The following LRBA variants were observed in gnomAD, a reference collection of about 807,000 sequenced individuals.
LRBA encodes lipopolysaccharide-responsive and beige-like anchor protein.
LRBA carries 176 observed loss-of-function variants against 330.0 expected under a neutral mutation model. That is an observed-to-expected ratio of 0.53 (90% CI 0.47 to 0.60). LRBA has a LOEUF of 0.60. LRBA is among the 20% of genes least tolerant of loss of function. The probability of loss-of-function intolerance (pLI) is 0.00; values close to 1 mark genes in which losing one functional copy is unlikely to be tolerated. For missense variants in LRBA, 3,259 were observed against 3,444.8 expected (o/e 0.95, Z 1.35); for synonymous variants, 1,230 against 1,193.0 (o/e 1.03, Z -0.64).
chr4:150,810,138 G>A (rs2126733967), intron 31 of LRBA, among the ~76,000 whole-genome samples: 1 of 152,232 alleles, frequency 6.6e-6, no homozygotes. Context: ...GAACTTTCCT[G>A]AAACATGCTT....
At position 150,489,033 on chromosome 4, in the gene LRBA, T is replaced by A. The variant is rs1253412022; in HGVS notation, c.6449-1199A>T. On this transcript the variant is annotated intron_variant, in intron 41 of 56. Transcript: ENST00000651943. ...AATATATTATATATAAGAATATATA[T>A]TATATATAATATATTATATATAAGA... Among the ~76,000 whole-genome samples, 13 of 111,534 alleles carry A rather than the reference T, an allele frequency of 1.2e-4. 1 individual carries two copies. In the South Asian group the frequency reaches 1.2e-3, roughly 11 times the overall value. 73.2% of individuals were successfully genotyped at this position (111,534 alleles called of 152,430 possible). A position where few individuals can be genotyped will look rare whatever the true frequency, so the allele number is the denominator to read the frequency against.
chr4:150,559,460 T>G (rs954218478), intron 40 of LRBA, among the ~76,000 whole-genome samples: 1 of 146,560 alleles, frequency 6.8e-6, no homozygotes, highest in African/African-American at 2.5e-5. Context: ...ACTCAGGAGG[T>G]TGAGGCAGGA....
chr4:150,542,246 T>A (rs1765391066), intron 40 of LRBA, among the ~76,000 whole-genome samples: 1 of 152,210 alleles, frequency 6.6e-6, no homozygotes, highest in Non-Finnish European at 1.5e-5. Flanking sequence ...GGTAAGAGCA[T>A]GAATTCTGGA....
chr4:150,975,012 C>A (rs1419490208), intron 2 of LRBA, among the ~76,000 whole-genome samples: 2 of 152,140 alleles, frequency 1.3e-5, no homozygotes, highest in Non-Finnish European at 2.9e-5. Context: ...TCAGCCTTCT[C>A]CAAGAAATAT....
intron 47 of LRBA, among the ~76,000 whole-genome samples, chr4:150,411,978 T>C (rs1012724679): frequency 6.6e-6 from 1 of 152,132 alleles, no homozygotes; most frequent in Non-Finnish European, 1.5e-5. Context: ...TGTAGAAAGT[T>C]AAAAAGAAAT....
intron 13 of LRBA, among the ~76,000 whole-genome samples, chr4:150,901,245 G>A (rs2127137605): frequency 6.6e-6 from 1 of 152,176 alleles, no homozygotes; most frequent in East Asian, 1.9e-4. Context: ...AGTGCAGTAA[G>A]CCGAGAGAGC....
chr4:150,973,330 G>C (rs931011381), intron 2 of LRBA, among the ~76,000 whole-genome samples: 1 of 152,098 alleles, frequency 6.6e-6, no homozygotes, highest in Non-Finnish European at 1.5e-5. Context: ...ACCACGCCCA[G>C]CTAATTTTGT....
At chr4:150,760,736 G>C (rs1478592811) in intron 35 of LRBA, among the ~76,000 whole-genome samples, 1 of 151,942 alleles carries the variant, frequency 6.6e-6, no homozygotes, top group Non-Finnish European at 1.5e-5. Context: ...TGCACCTCAA[G>C]AATCATGGTT....
At chr4:150,745,516 T>C (rs895674713) in intron 35 of LRBA, among the ~76,000 whole-genome samples, 23 of 152,218 alleles carry the variant, frequency 1.5e-4, no homozygotes, top group African/African-American at 5.5e-4. Context: ...TTGTTTTTTG[T>C]TTTTTGTTTT....
chr4:150,370,537 G>A (rs937841490), intron 47 of LRBA, among the ~76,000 whole-genome samples: 8 of 152,158 alleles, frequency 5.3e-5, no homozygotes, highest in Non-Finnish European at 1.0e-4. Flanking sequence ...GGAGGAGGAA[G>A]GGGGAATGAA....
At chr4:151,001,542 AC>A (rs1229858898) in intron 2 of LRBA, among the ~76,000 whole-genome samples, 1 of 151,208 alleles carries the variant, frequency 6.6e-6, no homozygotes, top group East Asian at 1.9e-4. Context: ...GGATAGGGCT[AC>A]CCCCCACCTG....
At chr4:150,503,004 G>C (rs1015767403) in intron 40 of LRBA, among the ~76,000 whole-genome samples, 11 of 152,236 alleles carry the variant, frequency 7.2e-5, no homozygotes, top group African/African-American at 2.7e-4. Context: ...GAGGCTGGGG[G>C]AGGGGTGCCC....
chr4:150,280,984 G>A (rs565837212), intron 55 of LRBA, among the ~76,000 whole-genome samples: 74 of 152,306 alleles, frequency 4.9e-4, no homozygotes, highest in African/African-American at 1.5e-3. Context: ...ATATTAAAGA[G>A]GGAAAAAGCA....
Position 150,889,590 on chromosome 4 carries a change from T to C in LRBA, c.2165+3462A>G, listed in dbSNP as rs1729273055. 2.0e-5 allele frequency among the ~76,000 whole-genome samples: 3 copies of C among 152,334 alleles called. No individual in the cohort carries two copies. The South Asian group carries it at 6.2e-4, about 32-fold the overall frequency. The stretch of plus-strand genomic sequence containing the variant: ...ATAGGAGTAGAACCCTATTGTAAAC[T>C]GTGCATACGAGGTATCTAGGTTACA... On this transcript the variant is annotated intron_variant, in intron 17 of 56. Coordinates refer to ENST00000651943, the MANE Select transcript of LRBA (RefSeq NM_001364905.1).
At chr4:150,446,081 T>C (rs1752583264) in intron 44 of LRBA, among the ~76,000 whole-genome samples, 1 of 152,074 alleles carries the variant, frequency 6.6e-6, no homozygotes, top group South Asian at 2.1e-4. Context: ...AAATATCACA[T>C]GTTCTCACTC....
chr4:150,972,186 C>T (rs1739653268), intron 2 of LRBA, among the ~76,000 whole-genome samples: 1 of 152,106 alleles, frequency 6.6e-6, no homozygotes, highest in South Asian at 2.1e-4. Flanking sequence ...AATCATAAAA[C>T]TTTCTTTTAA....
intron 40 of LRBA, among the ~76,000 whole-genome samples, chr4:150,561,160 T>C (rs751219607): frequency 6.6e-6 from 1 of 152,196 alleles, no homozygotes; most frequent in Non-Finnish European, 1.5e-5. Context: ...TTTATTAATA[T>C]GATAAATACT....
chr4:150,501,900 C>T lies in LRBA; in HGVS notation c.6331-10865G>A, dbSNP rs115305307. ...TGAAAAACAGGAAACAAAATTGTGA[C>T]ACCTATTAATGCCCAAGCACACCAT... On this transcript the variant is annotated intron_variant, in intron 40 of 56. Transcript: ENST00000651943. Among the ~76,000 whole-genome samples, 231 of 152,256 alleles carry T rather than the reference C, an allele frequency of 1.5e-3. 4 individuals carry two copies. The highest frequency in any genetic ancestry group is 5.4e-3 in the African/African-American group (226 of 41,548).
At chr4:150,809,850 AATACGATACG>A (rs70941451) in intron 31 of LRBA, among the ~76,000 whole-genome samples, 14,803 of 87,458 alleles carry the variant, frequency 0.17, 1,291 homozygotes, top group Middle Eastern at 0.18. Context: ...CCTGTCTTAA[AATACGATACG>A]ATACGATACG....
Sources: gnomAD v4.1 joint callset for allele counts (sites outside exome capture counted in the v4.1 genomes callset) on GRCh38, gnomAD v4.1.1 for gene constraint, MANE v1.5 for transcripts, NCBI Gene and HGNC (gene_info 2026-07-23, HGNC 2026-07-21) for gene names.